The following CACNA2D1 variants were observed in gnomAD, a reference collection of about 807,000 sequenced individuals.
CACNA2D1 encodes the protein voltage-dependent calcium channel subunit alpha-2/delta-1.
Under a neutral mutation model 171.5 loss-of-function variants are expected in CACNA2D1, and 53 were observed. That is an observed-to-expected ratio of 0.31 (90% CI 0.25 to 0.39). The LOEUF (loss-of-function observed/expected upper bound fraction) is 0.39. Ranked by LOEUF, CACNA2D1 falls within the 10% of genes least tolerant of loss-of-function variation. The probability of loss-of-function intolerance (pLI) is 1.00; values close to 1 mark genes in which losing one functional copy is unlikely to be tolerated. For synonymous variants in CACNA2D1, 442 were observed against 443.1 expected, an observed-to-expected ratio of 1.00 and a Z score of 0.03; for missense variants, 903 against 1,299.8, an observed-to-expected ratio of 0.69 and a Z score of 4.69.
chr7:82,091,323 G>A (rs1228503329), intron 6 of CACNA2D1, among the ~76,000 whole-genome samples: 1 of 152,212 alleles, frequency 6.6e-6, no homozygotes. Context: ...CCTTGATGAG[G>A]AGATAAGCCT....
chr7:82,195,778 TC>T (rs1471471790), intron 3 of CACNA2D1, among the ~76,000 whole-genome samples: 3 of 151,608 alleles, frequency 2.0e-5, no homozygotes, highest in South Asian at 2.1e-4. Context: ...CACCACAGAG[TC>T]ATAGCTCTGT....
intron 3 of CACNA2D1, among the ~76,000 whole-genome samples, chr7:82,248,550 A>G (rs1379343478): frequency 6.6e-6 from 1 of 152,254 alleles, no homozygotes; most frequent in African/African-American, 2.4e-5. Context: ...ACTTTGAAGA[A>G]CAAAGTGATT....
intron 1 of CACNA2D1, among the ~76,000 whole-genome samples, chr7:82,399,506 G>T (rs1474544719): frequency 1.3e-5 from 2 of 151,542 alleles, no homozygotes; most frequent in African/African-American, 4.8e-5. Flanking sequence ...TCACAAGATA[G>T]TAAAACAATT....
chr7:82,315,614 G>GA (rs999218287), intron 3 of CACNA2D1, among the ~76,000 whole-genome samples: 1 of 151,698 alleles, frequency 6.6e-6, no homozygotes, highest in African/African-American at 2.4e-5. Context: ...AGGTATGCCA[G>GA]AAAAAAAATC....
intron 7 of CACNA2D1, among the ~76,000 whole-genome samples, chr7:82,079,404 T>C (rs1365651447): frequency 6.6e-6 from 1 of 152,022 alleles, no homozygotes. Context: ...TAAAAAAGTC[T>C]ATCTTAGCTG....
intron 1 of CACNA2D1, among the ~76,000 whole-genome samples, chr7:82,382,005 C>A (rs1302778056): frequency 1.3e-5 from 2 of 151,826 alleles, no homozygotes; most frequent in African/African-American, 4.8e-5. Flanking sequence ...CCTATTTTAC[C>A]CACTGACATA....
chr7:82,146,329 T>TGC (rs1320524196), intron 4 of CACNA2D1, among the ~76,000 whole-genome samples: 8 of 130,064 alleles, frequency 6.2e-5, no homozygotes, highest in Non-Finnish European at 1.4e-4. Flanking sequence ...TGTGTGTGCG[T>TGC]GTGTGTGTGT....
intron 3 of CACNA2D1, among the ~76,000 whole-genome samples, chr7:82,279,013 C>A (rs1239834205): frequency 6.6e-6 from 1 of 152,172 alleles, no homozygotes; most frequent in East Asian, 1.9e-4. Flanking sequence ...AAGCTTCCAA[C>A]CTTCCCTCAG....
chr7:82,439,284 CAAT>C (rs1445706266), intron 1 of CACNA2D1, among the ~76,000 whole-genome samples: 1 of 151,812 alleles, frequency 6.6e-6, no homozygotes, highest in East Asian at 1.9e-4. Context: ...AATTTTAGCA[CAAT>C]AATAATTTCC....
chr7:82,443,220 G>A, intron 1 of CACNA2D1, 145 bp downstream of exon 1: 1 of 696,146 alleles, frequency 1.4e-6, no homozygotes. Flanking sequence ...CGCCTGCCCG[G>A]CGTCTCCGCA....
chr7:81,952,245 C>G (rs1037570570), intron 38 of CACNA2D1, among the ~76,000 whole-genome samples: 2 of 151,586 alleles, frequency 1.3e-5, no homozygotes, highest in African/African-American at 4.9e-5. Context: ...TTCTAAGAAT[C>G]AAAATAATAG....
intron 15 of CACNA2D1, among the ~76,000 whole-genome samples, chr7:82,008,454 T>C (rs1199539210): frequency 6.6e-6 from 1 of 152,150 alleles, no homozygotes; most frequent in East Asian, 1.9e-4. Flanking sequence ...AATGCCATCC[T>C]ATTAATCAGC....
chr7:82,132,499 G>T (rs1791108697), intron 5 of CACNA2D1, among the ~76,000 whole-genome samples: 1 of 152,172 alleles, frequency 6.6e-6, no homozygotes, highest in Non-Finnish European at 1.5e-5. Context: ...AGTGATGTAT[G>T]CAAACTCTGA....
chr7:82,415,699 C>CT (rs980695182), intron 1 of CACNA2D1, among the ~76,000 whole-genome samples: 1,853 of 148,956 alleles, frequency 0.012, 45 homozygotes, highest in African/African-American at 0.042. Flanking sequence ...TGCACTGCAT[C>CT]TTTTTTTTTT....
chr7:82,211,868 C>T (rs1800594639), intron 3 of CACNA2D1, among the ~76,000 whole-genome samples: 1 of 151,950 alleles, frequency 6.6e-6, no homozygotes, highest in South Asian at 2.1e-4. Flanking sequence ...TCACCAAACA[C>T]CTGTTTTTGT....
chr7:82,248,923 C>T (rs1805274143), intron 3 of CACNA2D1, among the ~76,000 whole-genome samples: 1 of 152,086 alleles, frequency 6.6e-6, no homozygotes, highest in Non-Finnish European at 1.5e-5. Flanking sequence ...CGAGACCATC[C>T]TGGCTAATAC....
At position 81,980,595 on chromosome 7, in the gene CACNA2D1, T is replaced by C. The variant is rs1238151197; in HGVS notation, c.1955+1972A>G. On this transcript the variant is annotated intron_variant, in intron 24 of 38. Coordinates refer to ENST00000356860, the MANE Select transcript of CACNA2D1 (RefSeq NM_000722.4). ...CGTATTTAGCAGATGAGAAATATGA[T>C]TTTTTTCACATTTTAGAAACTCTCT... is the stretch of plus-strand genomic sequence containing the variant. Among the ~76,000 whole-genome samples the C allele has an allele frequency of 2.7e-5, 3 of 109,394 alleles. No individual in the cohort carries two copies. The East Asian group carries it at 7.7e-4, about 28-fold the overall frequency. 71.8% of individuals were successfully genotyped at this position (109,394 alleles called of 152,430 possible). A position where few individuals can be genotyped will look rare whatever the true frequency, so the allele number is the denominator to read the frequency against.
At chr7:82,267,712 C>T (rs1054304090) in intron 3 of CACNA2D1, among the ~76,000 whole-genome samples, 6 of 151,826 alleles carry the variant, frequency 4.0e-5, no homozygotes, top group Non-Finnish European at 8.8e-5. Flanking sequence ...CCTACAAACT[C>T]GGCTGGGTGT....
chr7:82,149,789 AAC>A (rs1793586295), intron 4 of CACNA2D1, among the ~76,000 whole-genome samples: 5 of 145,296 alleles, frequency 3.4e-5, no homozygotes, highest in African/African-American at 1.3e-4. Context: ...AAAACAAACA[AAC>A]AACAAAAAAA....
Sources: allele counts gnomAD v4.1 joint callset (sites outside exome capture counted in the v4.1 genomes callset), GRCh38; gene constraint gnomAD v4.1.1; transcripts MANE v1.5; gene names NCBI Gene and HGNC (gene_info 2026-07-23, HGNC 2026-07-21).